The following ATP13A4 variants were observed in gnomAD, a reference collection of about 807,000 sequenced individuals.
The protein encoded by ATP13A4 is ATPase 13A4, also known as probable cation-transporting ATPase 13A4.
Under a neutral mutation model 142.5 loss-of-function variants are expected in ATP13A4, and 114 were observed. That is an observed-to-expected ratio of 0.80 (90% CI 0.69 to 0.93). ATP13A4 has a LOEUF of 0.93. Ranked by LOEUF, ATP13A4 falls within the 40% of genes least tolerant of loss-of-function variation. ATP13A4 has a pLI of 0.00. For synonymous variants in ATP13A4, 488 were observed against 514.8 expected (o/e 0.95, Z 0.70); for missense variants, 1,392 against 1,454.0 (o/e 0.96, Z 0.69).
In ATP13A4 at chr3:193,412,370, C is replaced by T. The variant is rs1261817387; in HGVS notation, c.3016G>A (p.Ala1006Thr). ...QPWYSVEIHS[A>T]CTVQNESISE... ...ATGCTTTCATTTTGTACTGTGCAGG[C>T]ACTAAAAGGGAAAACCAAAGAAGCT... Residue 1006 changes from alanine (A) to threonine (T), a missense_variant and splice_region_variant, in exon 27 of 30, where the codon GCC becomes ACC. Physicochemically the swap from Ala to Thr is moderately conservative, Grantham distance 58. Coordinates refer to ENST00000342695, the MANE Select transcript of ATP13A4 (RefSeq NM_032279.4). The T allele has an allele frequency of 6.2e-7, 1 of 1,613,784 alleles. No individual in the cohort carries two copies. The highest frequency in any genetic ancestry group is 1.3e-5 in the African/African-American group (1 of 74,868).
intron 9 of ATP13A4, 31 bp from the exon 10 acceptor site, chr3:193,467,517 G>A (rs1718372943): frequency 2.5e-6 from 4 of 1,605,520 alleles, no homozygotes; most frequent in Non-Finnish European, 3.4e-6. Context: ...GTTTTGTGAG[G>A]CAGGATGGCT....
rs1275398515 is a variant in ATP13A4, at chr3:193,582,997, AAT to A, written n.92-1093_92-1092del. Among the ~76,000 whole-genome samples, 10 of 128,980 alleles carry A rather than the reference AAT, an allele frequency of 7.8e-5. 2 individuals carry two copies. The highest frequency in any genetic ancestry group is 3.7e-3 in the Middle Eastern group (1 of 272). 84.6% of individuals were successfully genotyped at this position (128,980 alleles called of 152,430 possible). A position where few individuals can be genotyped will look rare whatever the true frequency, so the allele number is the denominator to read the frequency against. On this transcript the variant is annotated intron_variant and non_coding_transcript_variant, in intron 1 of 3. Coordinates refer to the ATP13A4 transcript ENST00000489140. ...ATATATGTATATTACATATATATAAAATATATATATGTATATTATATAGATAT... is the reference window on the plus strand; with the variant it reads ...ATATATGTATATTACATATATATAAAATATATATGTATATTATATAGATAT...
At chr3:193,409,593 A>C (rs1260200821) in intron 28 of ATP13A4, among the ~76,000 whole-genome samples, 1 of 152,244 alleles carries the variant, frequency 6.6e-6, no homozygotes, top group East Asian at 1.9e-4. Flanking sequence ...TTAGAAGACC[A>C]GTGGGCAAAG....
At chr3:193,554,596 T>C (rs954243372) in intron 1 of ATP13A4, 144 bp downstream of exon 1, 3 of 1,041,354 alleles carry the variant, frequency 2.9e-6, no homozygotes, top group African/African-American at 3.1e-5. Flanking sequence ...AACATGACCT[T>C]TTCTCGTGTA....
intron 1 of ATP13A4, among the ~76,000 whole-genome samples, chr3:193,534,952 C>CA (rs35260740): frequency 3.0e-4 from 44 of 148,764 alleles, no homozygotes; most frequent in African/African-American, 8.1e-4. Context: ...AAAATAAAGA[C>CA]AAAAAAAAAA....
chr3:193,433,190 G>T (rs1194829154), intron 25 of ATP13A4, among the ~76,000 whole-genome samples: 1 of 152,160 alleles, frequency 6.6e-6, no homozygotes, highest in Non-Finnish European at 1.5e-5. Context: ...AATTTCATCA[G>T]TTACAACAAA....
intron 1 of ATP13A4, among the ~76,000 whole-genome samples, chr3:193,523,841 C>T (rs549163977): frequency 1.4e-4 from 22 of 152,162 alleles, no homozygotes; most frequent in East Asian, 3.9e-4. Flanking sequence ...GGTGCAGGGG[C>T]GCAGATCCAT....
intron 2 of ATP13A4, among the ~76,000 whole-genome samples, chr3:193,571,972 C>T (rs1006460319): frequency 6.6e-6 from 1 of 152,112 alleles, no homozygotes; most frequent in Non-Finnish European, 1.5e-5. Context: ...GTAATAAATG[C>T]ACCATACTAA....
intron 18 of ATP13A4, among the ~76,000 whole-genome samples, chr3:193,442,827 A>T (rs971136409): frequency 5.9e-5 from 9 of 152,212 alleles, no homozygotes; most frequent in African/African-American, 2.2e-4. Context: ...TATTTTCATC[A>T]TTTGTTAGCA....
At position 193,467,490 on chromosome 3, in the gene ATP13A4, C is replaced by T. The variant is rs1223614632; in HGVS notation, c.944-4G>A. The T allele has an allele frequency of 6.2e-6, 10 of 1,612,972 alleles. No homozygotes were observed. The highest frequency in any genetic ancestry group is 1.7e-5 in the Admixed American group (1 of 60,016). ...TTGGTGACTGGAATACTTTCTCCTA[C>T]AGAAAACAAGCATCTTGTTTTGTGA... On this transcript the variant is annotated splice_polypyrimidine_tract_variant and splice_region_variant and intron_variant, in intron 9 of 29. Transcript: ENST00000342695.
In ATP13A4 at chr3:193,446,452, G is replaced by A. The variant is rs573925533; in HGVS notation, c.2152+1754C>T. 3.9e-5 allele frequency among the ~76,000 whole-genome samples: 6 copies of A among 152,288 alleles called. No individual in the cohort carries two copies. In the East Asian group the frequency reaches 1.2e-3, roughly 29 times the overall value. On this transcript the variant is annotated intron_variant, in intron 18 of 29. Transcript: ENST00000342695. The stretch of plus-strand genomic sequence containing the variant: ...CTTGGGTCACAGAAAGAAGCAACAA[G>A]AAATTCTAATCAATTCAAAACTTTT...
chr3:193,425,116 A>C (rs1715592097), intron 25 of ATP13A4, among the ~76,000 whole-genome samples: 1 of 136,570 alleles, frequency 7.3e-6, no homozygotes, highest in Non-Finnish European at 1.5e-5. Context: ...AAAAATGTTC[A>C]ACATCATTAA....
chr3:193,528,900 T>C (rs926525888), intron 1 of ATP13A4, among the ~76,000 whole-genome samples: 4 of 152,204 alleles, frequency 2.6e-5, no homozygotes, highest in Non-Finnish European at 5.9e-5. Flanking sequence ...AGTGAGCTTT[T>C]AGCTCTTCTA....
At chr3:193,433,278 G>A (rs1480331157) in intron 25 of ATP13A4, among the ~76,000 whole-genome samples, 2 of 152,130 alleles carry the variant, frequency 1.3e-5, no homozygotes, top group African/African-American at 4.8e-5. Context: ...GGAAATCTCT[G>A]TACCTTCCTC....
rs1714250782 is a variant in ATP13A4, at chr3:193,401,255, C to T, written c.*1397G>A. On this transcript the variant is annotated 3_prime_UTR_variant, in exon 30 of 30. Coordinates refer to ENST00000342695, the MANE Select transcript of ATP13A4 (RefSeq NM_032279.4). ...CCTTAAAATATTATATGTAGGTGTG[C>T]TCCTAGAGTTCAGTGTTGTCTCCTG... Among the ~76,000 whole-genome samples the T allele has an allele frequency of 6.6e-6, 1 of 152,160 alleles. No individual in the cohort carries two copies. Among genetic ancestry groups the T allele is most frequent in the Non-Finnish European group, 1.5e-5 (1 of 68,026 alleles).
chr3:193,532,547 C>T (rs538063882), intron 1 of ATP13A4, among the ~76,000 whole-genome samples: 6 of 151,728 alleles, frequency 4.0e-5, no homozygotes, highest in South Asian at 2.1e-4. Flanking sequence ...GTGCTGAAAG[C>T]TGACCAGAGG....
chr3:193,484,712 C>A (rs1026680174), intron 7 of ATP13A4, among the ~76,000 whole-genome samples: 1 of 151,992 alleles, frequency 6.6e-6, no homozygotes, highest in Non-Finnish European at 1.5e-5. Context: ...ATTCTTTTAC[C>A]CATTTGTGCA....
chr3:193,436,059 A>G (rs994354998), intron 23 of ATP13A4, among the ~76,000 whole-genome samples: 2 of 152,254 alleles, frequency 1.3e-5, no homozygotes, highest in Admixed American at 1.3e-4. Flanking sequence ...AGCTAGTGCC[A>G]GATCTTCTAC....
rs184414300 is a variant in ATP13A4, at chr3:193,466,007, A to C, written c.1272+18T>G. 3.2e-5 allele frequency: 52 copies of C among 1,613,138 alleles called. No individual in the cohort carries two copies. In the East Asian group the frequency reaches 1.1e-3, roughly 35 times the overall value. On this transcript the variant is annotated intron_variant, in intron 11 of 29. Coordinates refer to ENST00000342695, the MANE Select transcript of ATP13A4 (RefSeq NM_032279.4). ...GATGAGTGTGTGTGCATTTAATAAA[A>C]GAGCAAAGACAGCTTACCCCACTAA...
Sources: gnomAD v4.1 joint callset for allele counts (sites outside exome capture counted in the v4.1 genomes callset) on GRCh38, gnomAD v4.1.1 for gene constraint, MANE v1.5 for transcripts, NCBI Gene and HGNC (gene_info 2026-07-23, HGNC 2026-07-21) for gene names.